CCSER1: variants seen among roughly 807,000 people sequenced by gnomAD.
CCSER1 encodes the protein coiled-coil serine rich protein 1, also known as serine-rich coiled-coil domain-containing protein 1.
Under a neutral mutation model 82.0 loss-of-function variants are expected in CCSER1, and 41 were observed. The ratio of observed to expected loss-of-function variants is 0.50; its 90% CI spans 0.39 to 0.65. The LOEUF (loss-of-function observed/expected upper bound fraction) is 0.65. Ranked by LOEUF, CCSER1 falls within the 30% of genes least tolerant of loss-of-function variation. CCSER1 has a pLI of 0.00. For missense variants in CCSER1, 1,119 were observed against 1,064.2 expected (o/e 1.05, Z -0.72); for synonymous variants, 414 against 383.9 (o/e 1.08, Z -0.92).
intron 9 of CCSER1, among the ~76,000 whole-genome samples, chr4:91,061,120 T>C (rs1743913074): frequency 6.6e-6 from 1 of 152,046 alleles, no homozygotes; most frequent in Non-Finnish European, 1.5e-5. Context: ...CTTTAAAATG[T>C]ATTGCACTTT....
At chr4:91,036,409 T>G (rs1741438848) in intron 9 of CCSER1, among the ~76,000 whole-genome samples, 1 of 152,158 alleles carries the variant, frequency 6.6e-6, no homozygotes, top group South Asian at 2.1e-4. Flanking sequence ...CTGCTCAATA[T>G]CTTAAAGATA....
chr4:91,538,870 A>C (rs1761446981), intron 10 of CCSER1, among the ~76,000 whole-genome samples: 1 of 151,764 alleles, frequency 6.6e-6, no homozygotes, highest in Admixed American at 6.6e-5. Flanking sequence ...AATAGTATAT[A>C]AATTGTTAGT....
chr4:90,914,999 G>A (rs1220760441), intron 8 of CCSER1, among the ~76,000 whole-genome samples: 1 of 152,060 alleles, frequency 6.6e-6, no homozygotes, highest in Non-Finnish European at 1.5e-5. Flanking sequence ...CCAATAACAG[G>A]CTCTGAAATT....
intron 5 of CCSER1, among the ~76,000 whole-genome samples, chr4:90,593,763 T>C (rs1782985888): frequency 6.6e-6 from 1 of 152,042 alleles, no homozygotes; most frequent in Admixed American, 6.6e-5. Context: ...CTCCTCTGTG[T>C]TCTTAAAACA....
intron 10 of CCSER1, among the ~76,000 whole-genome samples, chr4:91,455,622 G>A (rs913823884): frequency 6.6e-6 from 1 of 152,008 alleles, no homozygotes; most frequent in African/African-American, 2.4e-5. Context: ...ATACTACCCA[G>A]TCTAAGGAAT....
chr4:91,392,411 T>C (rs1751719987), intron 10 of CCSER1, among the ~76,000 whole-genome samples: 1 of 127,024 alleles, frequency 7.9e-6, no homozygotes, highest in Non-Finnish European at 1.7e-5. Context: ...TAGAAATAAA[T>C]GTATTTTCTT....
intron 8 of CCSER1, among the ~76,000 whole-genome samples, chr4:90,890,169 G>T (rs1423064344): frequency 6.6e-6 from 1 of 152,106 alleles, no homozygotes; most frequent in Non-Finnish European, 1.5e-5. Flanking sequence ...AGTTACTATT[G>T]TAGACAGAAT....
chr4:91,406,554 A>G (rs1281353417), intron 10 of CCSER1, among the ~76,000 whole-genome samples: 2 of 152,174 alleles, frequency 1.3e-5, no homozygotes, highest in South Asian at 2.1e-4. Flanking sequence ...CCACAAATAC[A>G]CGCTAGTAAA....
chr4:90,669,575 T>A (rs184483761), intron 6 of CCSER1, among the ~76,000 whole-genome samples: 1 of 152,226 alleles, frequency 6.6e-6, no homozygotes, highest in Admixed American at 6.5e-5. Flanking sequence ...TTTGGTTATG[T>A]TATAACTTGG....
intron 5 of CCSER1, among the ~76,000 whole-genome samples, chr4:90,600,409 T>A (rs1783893981): frequency 6.6e-6 from 1 of 152,154 alleles, no homozygotes; most frequent in Non-Finnish European, 1.5e-5. Context: ...TTTGTGGTTT[T>A]AATTTGCATT....
chr4:90,146,342 C>T (rs1725806880), intron 1 of CCSER1, among the ~76,000 whole-genome samples: 1 of 151,602 alleles, frequency 6.6e-6, no homozygotes, highest in South Asian at 2.1e-4. Flanking sequence ...AATACTTTAC[C>T]CACATTATGC....
rs778596200 is a variant in CCSER1 at position 91,081,772 on chromosome 4, GACAA to G, written c.2173-4174_2173-4171del. On this transcript the variant is annotated intron_variant, in intron 9 of 10. Transcript: ENST00000509176. ...CAAGCATTCTTATACACCAATAACA[GACAA>G]ACAGAGTGCCAAATTATGAGTGAAC... Among the ~76,000 whole-genome samples the G allele has an allele frequency of 5.7e-3, 873 of 152,066 alleles. 10 individuals carry two copies. Among genetic ancestry groups the G allele is most frequent in the African/African-American group, 0.018 (762 of 41,486 alleles).
intron 9 of CCSER1, among the ~76,000 whole-genome samples, chr4:90,933,572 T>C (rs1301732280): frequency 2.0e-5 from 3 of 151,882 alleles, no homozygotes; most frequent in Admixed American, 6.6e-5. Context: ...TGCAGGAGTA[T>C]CAGTAATATG....
intron 7 of CCSER1, among the ~76,000 whole-genome samples, chr4:90,745,951 C>CGG (rs1747382681): frequency 6.6e-6 from 1 of 151,938 alleles, no homozygotes. Flanking sequence ...CTGCCCGCCT[C>CGG]GGCCTCCCAA....
intron 7 of CCSER1, among the ~76,000 whole-genome samples, chr4:90,807,600 A>T (rs1458802099): frequency 6.6e-6 from 1 of 152,092 alleles, no homozygotes; most frequent in Non-Finnish European, 1.5e-5. Context: ...TCTGGGTAAA[A>T]TAATGACCAT....
At chr4:90,408,329 T>G (rs1399055110) in intron 4 of CCSER1, among the ~76,000 whole-genome samples, 1 of 152,218 alleles carries the variant, frequency 6.6e-6, no homozygotes, top group Non-Finnish European at 1.5e-5. Flanking sequence ...ATGGGCAGAC[T>G]GCCTCCTCAA....
intron 10 of CCSER1, among the ~76,000 whole-genome samples, chr4:91,379,995 T>C (rs1423512818): frequency 6.6e-6 from 1 of 152,216 alleles, no homozygotes; most frequent in Admixed American, 6.5e-5. Flanking sequence ...TGCCTTCATT[T>C]CGTTATGTAC....
intron 7 of CCSER1, among the ~76,000 whole-genome samples, chr4:90,727,707 G>A (rs1409065765): frequency 6.6e-6 from 1 of 152,130 alleles, no homozygotes; most frequent in East Asian, 1.9e-4. Context: ...CACTCTTGAA[G>A]CTAAAGCTGG....
intron 1 of CCSER1, among the ~76,000 whole-genome samples, chr4:90,141,690 T>C (rs1417012878): frequency 6.6e-6 from 1 of 152,242 alleles, no homozygotes; most frequent in Non-Finnish European, 1.5e-5. Context: ...TAAATAAAGT[T>C]GCAGAATGAA....
Sources: allele counts gnomAD v4.1 joint callset (sites outside exome capture counted in the v4.1 genomes callset), GRCh38; gene constraint gnomAD v4.1.1; transcripts MANE v1.5; gene names NCBI Gene and HGNC (gene_info 2026-07-23, HGNC 2026-07-21).